Variants in PALM3 observed in about 807,000 individuals in gnomAD.
PALM3 encodes the protein paralemmin 3.
Under a neutral mutation model 27.9 loss-of-function variants are expected in PALM3, and 20 were observed. The ratio of observed to expected loss-of-function variants is 0.72; its 90% CI spans 0.50 to 1.04. The LOEUF (loss-of-function observed/expected upper bound fraction) is 1.04. Ranked by LOEUF, PALM3 falls within the 50% of genes least tolerant of loss-of-function variation. The pLI is 0.00. For synonymous variants in PALM3, 328 were observed against 352.7 expected (o/e 0.93, Z 0.79); for missense variants, 814 against 869.4 (o/e 0.94, Z 0.80).
At chr19:14,055,752 A>G (rs1689038531) in intron 5 of PALM3, among the ~76,000 whole-genome samples, 1 of 152,102 alleles carries the variant, frequency 6.6e-6, no homozygotes, top group Non-Finnish European at 1.5e-5. Flanking sequence ...ACATAAATAC[A>G]AATTAATTTT....
In PALM3 at chr19:14,054,489, C is replaced by T. The variant is rs761411912; in HGVS notation, c.1183G>A (p.Glu395Lys). ...ERGDESPLGA[E>K]GAKTGGGEET... The stretch of plus-strand genomic sequence containing the variant: ...TCGCCTCCTCCCGTCTTGGCCCCCT[C>T]GGCCCCCAGCGGGCTTTCATCTCCT... Residue 395 changes from glutamate to lysine, a missense_variant, in exon 7 of 7, where the codon GAG (glutamate) becomes AAG (lysine). Coordinates refer to ENST00000669674, the MANE Select transcript of PALM3 (RefSeq NM_001145028.2). 44 of 1,550,962 alleles carry T rather than the reference C, an allele frequency of 2.8e-5. No homozygotes were observed. In the Admixed American group the frequency reaches 3.7e-4, roughly 13 times the overall value.
At chr19:14,056,846 C>T in intron 3 of PALM3, 42 bp from the exon 4 acceptor site, 1 of 1,501,412 alleles carries the variant, frequency 6.7e-7, no homozygotes, top group South Asian at 1.3e-5. Context: ...TACAGACTAC[C>T]CCGGTCCATG....
chr19:14,053,638 C>G lies in PALM3; in HGVS notation c.2034G>C (p.Lys678Asn), dbSNP rs1976225555. The change falls in exon 7 of 7, where the codon AAG becomes AAC. Residue 678 changes from lysine (K) to asparagine (N), a missense_variant. Transcript: ENST00000669674. ...CCGCACAACACTGGCACGTCTTTTG[C>G]TTAGGGCCACTTGCCTCTTCACCCT... ...PTEGEEASGP[K>N]QKTCQCCAVM 6.8e-7 allele frequency: 1 copy of G among 1,464,102 alleles called. No individual in the cohort carries two copies. 90.7% of individuals were successfully genotyped at this position (1,464,102 alleles called of 1,614,324 possible). A position where few individuals can be genotyped will look rare whatever the true frequency, so the allele number is the denominator to read the frequency against.
In PALM3 at chr19:14,054,022, C is replaced by T. The variant is rs1251867817; in HGVS notation, c.1650G>A (p.Glu550=). 21 of 1,551,618 alleles carry T rather than the reference C, an allele frequency of 1.4e-5. No individual in the cohort carries two copies. Among genetic ancestry groups the T allele is most frequent in the Non-Finnish European group, 1.8e-5 (21 of 1,146,992 alleles). ...ACCCTTGTTCTAGATTCAGATCTCC[C>T]TCCGTCCCTTGGGTCTTCTCTGTCT... ...SLETEKTQGT[E]GDLNLEQGSR... Residue 550 remains glutamate, a synonymous_variant, in exon 7 of 7, where the codon GAG becomes GAA. Transcript: ENST00000669674.
Position 14,057,386 on chromosome 19 carries a change from C to A in PALM3, c.136G>T (p.Val46Leu), listed in dbSNP as rs113734346. Residue 46 changes from valine (V) to leucine (L), a missense_variant, in exon 3 of 7, where the codon GTG (valine) becomes TTG (leucine). Transcript: ENST00000669674. The stretch of plus-strand genomic sequence containing the variant: ...TCCACGCGGAGTTTCTCCTCCTCCA[C>A]CTCCCGGCGCGCGGCGCGGATCTCC... Reference protein sequence around the residue: ...QEEIRAARREVEEEKLRVERL... With the variant: ...QEEIRAARRELEEEKLRVERL... The A allele has an allele frequency of 6.5e-7, 1 of 1,545,082 alleles. No homozygotes were observed. Among genetic ancestry groups the A allele is most frequent in the Admixed American group, 2.0e-5 (1 of 50,866 alleles).
rs769511905 is a variant in PALM3, at chr19:14,054,998, C to T, written c.674G>A (p.Gly225Asp). The change falls in exon 7 of 7, where the codon GGT becomes GAT. Residue 225 changes from glycine (G) to aspartate (D), a missense_variant. Gly to Asp is a moderately conservative substitution (Grantham distance 94, BLOSUM62 -1). Transcript: ENST00000669674. ...CACCACGCCCCCTCCTTTGGCCTCA[C>T]CCACCCGCCCTTCGGATGGCACTGC... ...QRAVPSEGRVGEAKGGGVVSV... is the reference protein window; with the variant it reads ...QRAVPSEGRVDEAKGGGVVSV... 8.4e-6 allele frequency: 13 copies of T among 1,548,344 alleles called. No homozygotes were observed. Among genetic ancestry groups the T allele is most frequent in the East Asian group, 2.4e-5 (1 of 40,884 alleles).
intron 5 of PALM3, 104 bp downstream of exon 5, chr19:14,056,325 G>T: frequency 8.6e-7 from 1 of 1,161,218 alleles, no homozygotes; most frequent in Non-Finnish European, 1.2e-6. Flanking sequence ...TGCAGACCTA[G>T]TGGCCAGGCT....
intron 2 of PALM3, among the ~76,000 whole-genome samples, chr19:14,058,217 G>A (rs966062268): frequency 2.6e-5 from 4 of 151,492 alleles, no homozygotes; most frequent in Non-Finnish European, 4.4e-5. Flanking sequence ...TAGAGAGATG[G>A]GGTGCAGAGG....
In PALM3 at chr19:14,061,923, AC is replaced by A; in HGVS notation, c.41+16del. 2.0e-6 allele frequency: 2 copies of A among 979,616 alleles called. No individual in the cohort carries two copies. The highest frequency in any genetic ancestry group is 2.4e-6 in the Non-Finnish European group (2 of 825,246). 60.7% of individuals were successfully genotyped at this position (979,616 alleles called of 1,614,324 possible). ...AAGGCCCTGCCCACCAGCCCCCCTG[AC>A]CCCCCAGACACTTACATGGGTGTGG... On this transcript the variant is annotated intron_variant, in intron 1 of 6. Coordinates refer to ENST00000669674, the MANE Select transcript of PALM3 (RefSeq NM_001145028.2).
Position 14,054,710 on chromosome 19 carries a change from A to G in PALM3, c.962T>C (p.Leu321Pro), listed in dbSNP as rs567949562. 1.3e-6 allele frequency: 2 copies of G among 1,551,532 alleles called. No homozygotes were observed. Among genetic ancestry groups the G allele is most frequent in the Non-Finnish European group, 1.7e-6 (2 of 1,146,986 alleles). Residue 321 changes from leucine to proline, a missense_variant, in exon 7 of 7, where the codon CTC becomes CCC. Physicochemically the swap from Leu to Pro is moderately conservative, Grantham distance 98. Transcript: ENST00000669674. ...AGCTGCTGCCTCTAATCTCTCCTGGAGCCTAGGCGAGCTAGTCTGCACGAC... is the reference window on the plus strand; with the variant it reads ...AGCTGCTGCCTCTAATCTCTCCTGGGGCCTAGGCGAGCTAGTCTGCACGAC... ...PEVVQTSSPR[L>P]QERLEAAASI...
chr19:14,054,596 A>C lies in PALM3; in HGVS notation c.1076T>G (p.Val359Gly). 2 of 1,550,928 alleles carry C rather than the reference A, an allele frequency of 1.3e-6. No individual in the cohort carries two copies. The highest frequency in any genetic ancestry group is 1.4e-5 in the African/African-American group (1 of 72,754). ...SGGEEGSFIWVERVTLSEEWE... is the reference protein window; with the variant it reads ...SGGEEGSFIWGERVTLSEEWE... ...CTCTTCACTGAGGGTCACTCTCTCC[A>C]CCCAAATGAAGGATCCCTCCTCTCC... The change falls in exon 7 of 7, where the codon GTG becomes GGG. Residue 359 changes from valine (V) to glycine (G), a missense_variant. By Grantham distance (109) the Val-to-Gly change is moderately radical. Coordinates refer to ENST00000669674, the MANE Select transcript of PALM3 (RefSeq NM_001145028.2).
At position 14,057,371 on chromosome 19, in the gene PALM3, G is replaced by C. The variant is rs1402408319; in HGVS notation, c.151C>G (p.Leu51Val). ...AARREVEEEK[L>V]RVERLKRKSL... ...CCAACCTTGAGACGCTCCACGCGGA[G>C]TTTCTCCTCCTCCACCTCCCGGCGC... Residue 51 changes from leucine (L) to valine (V), a missense_variant, in exon 3 of 7, where the codon CTC (leucine) becomes GTC (valine). By Grantham distance (32) the Leu-to-Val change is conservative. Coordinates refer to ENST00000669674, the MANE Select transcript of PALM3 (RefSeq NM_001145028.2). The C allele has an allele frequency of 1.9e-6, 3 of 1,545,102 alleles. No individual in the cohort carries two copies. In the East Asian group the frequency reaches 7.4e-5, roughly 38 times the overall value.
In PALM3 at chr19:14,058,985, G is replaced by A; in HGVS notation, c.90+130C>T. 6.4e-6 allele frequency: 5 copies of A among 777,256 alleles called. No individual in the cohort carries two copies. In the South Asian group the frequency reaches 1.1e-4, roughly 18 times the overall value. The allele number at this position is 777,256 out of a possible 1,614,324, so 48.1% of individuals were successfully genotyped here. On this transcript the variant is annotated intron_variant, in intron 2 of 6. Transcript: ENST00000669674. ...AGGAACTGGGGGGCAGAGGGGGCTG[G>A]AGAATTGGTGTGGGGAGCCCTGGGC... is the stretch of plus-strand genomic sequence containing the variant.
rs1976221134 is a variant in PALM3 at position 14,053,533 on chromosome 19, G to A, written c.*72C>T. 1 of 1,418,212 alleles carries A rather than the reference G, an allele frequency of 7.1e-7. No homozygotes were observed. The highest frequency in any genetic ancestry group is 1.4e-5 in the African/African-American group (1 of 69,112). The allele number at this position is 1,418,212 out of a possible 1,614,324, so 87.9% of individuals were successfully genotyped here. ...TCCTGTGGTCCCTGTCTGTGCCTGG[G>A]ACCCTCTTCTGGGTGCCAAGAGGCC... On this transcript the variant is annotated 3_prime_UTR_variant, in exon 7 of 7. Transcript: ENST00000669674.
At position 14,053,783 on chromosome 19, in the gene PALM3, G is replaced by T. The variant is rs945231640; in HGVS notation, c.1889C>A (p.Pro630Gln). The change falls in exon 7 of 7, where the codon CCA (proline) becomes CAA (glutamine). Residue 630 changes from proline to glutamine, a missense_variant. Transcript: ENST00000669674. ...TGGCTGGCATTCGGCGGGCTGCTCT[G>T]GGGCTGGGGTCTCTGCCAGAAGAGG... is the stretch of plus-strand genomic sequence containing the variant. ...ATPLLAETPA[P>Q]EQPAECQPLL... is the part of the protein sequence containing the mutation. The T allele has an allele frequency of 7.8e-6, 12 of 1,541,748 alleles. 1 individual carries two copies. The African/African-American group carries it at 1.1e-4, about 14-fold the overall frequency.
In PALM3 at chr19:14,057,362, C is replaced by T. The variant is rs749838935; in HGVS notation, c.160G>A (p.Glu54Lys). The change falls in exon 3 of 7, where the codon GAG (glutamate) becomes AAG (lysine). Residue 54 changes from glutamate (E) to lysine (K), a missense_variant. By Grantham distance (56) the Glu-to-Lys change is moderately conservative (BLOSUM62 1). Coordinates refer to ENST00000669674, the MANE Select transcript of PALM3 (RefSeq NM_001145028.2). ...CGCCCGCCCCCAACCTTGAGACGCT[C>T]CACGCGGAGTTTCTCCTCCTCCACC... ...REVEEEKLRVERLKRKSLRER... is the reference protein window; with the variant it reads ...REVEEEKLRVKRLKRKSLRER... 2.3e-5 allele frequency: 36 copies of T among 1,544,864 alleles called. No homozygotes were observed. In the South Asian group the frequency reaches 3.8e-4, roughly 16 times the overall value.
intron 5 of PALM3, 43 bp from the exon 6 acceptor site, chr19:14,055,468 C>T (rs760860646): frequency 1.9e-6 from 3 of 1,546,874 alleles, no homozygotes; most frequent in South Asian, 2.4e-5. Flanking sequence ...CCCTCATCCC[C>T]ACCTCCAGCC....
intron 2 of PALM3, among the ~76,000 whole-genome samples, chr19:14,057,805 T>C (rs967307773): frequency 9.3e-5 from 14 of 151,338 alleles, no homozygotes; most frequent in South Asian, 2.1e-4. Context: ...TTAAGAGAAA[T>C]GGGGATCAAA....
chr19:14,055,502 C>T (rs1388299356), intron 5 of PALM3, 77 bp from the exon 6 acceptor site: 6 of 1,438,150 alleles, frequency 4.2e-6, no homozygotes, highest in East Asian at 2.5e-5. Flanking sequence ...GGCTCCCACC[C>T]CACCACCCCT....
Sources: allele counts gnomAD v4.1 joint callset (sites outside exome capture counted in the v4.1 genomes callset), GRCh38; gene constraint gnomAD v4.1.1; transcripts MANE v1.5; gene names NCBI Gene and HGNC (gene_info 2026-07-23, HGNC 2026-07-21).